Variants in NOXO1 observed in about 807,000 individuals in gnomAD.
NOXO1 encodes the protein NADPH oxidase organizer 1, also known as NADPH oxidase regulatory protein.
NOXO1 carries 38 observed loss-of-function variants against 33.3 expected under a neutral mutation model. The ratio of observed to expected loss-of-function variants is 1.14; its 90% CI spans 0.88 to 1.50. The LOEUF is 1.50. Among genes scored for constraint, NOXO1 ranks in the 40% most tolerant of loss-of-function variants. The pLI is 0.00. For missense variants in NOXO1, 675 were observed against 527.1 expected (o/e 1.28, Z -2.75); for synonymous variants, 302 against 237.3 (o/e 1.27, Z -2.51).
chr16:1,979,723 T>A (rs1391873417), intron 6 of NOXO1, 67 bp downstream of exon 6: 1 of 1,332,300 alleles, frequency 7.5e-7, no homozygotes, highest in Non-Finnish European at 1.0e-6. Context: ...CCCGCGGTGC[T>A]TCTGGCCCAG....
Position 1,979,468 on chromosome 16 carries a change from C to T in NOXO1, c.775G>A (p.Val259Met). 3 of 1,611,566 alleles carry T rather than the reference C, an allele frequency of 1.9e-6. No homozygotes were observed. Among genetic ancestry groups the T allele is most frequent in the South Asian group, 1.1e-5 (1 of 90,934 alleles). ...CGGTCTGACGTTTCCAACACGCGCA[C>T]GCGCGCCCCCGCGGGCACGGACAGC... ...DELSVPAGAR[V>M]RVLETSDRGW... Residue 259 changes from valine to methionine, a missense_variant, in exon 7 of 8, where the codon GTG (valine) becomes ATG (methionine). By Grantham distance (21) the Val-to-Met change is conservative. Coordinates refer to ENST00000356120, the MANE Select transcript of NOXO1 (RefSeq NM_172167.3).
chr16:1,979,953 C>T (rs752909872), intron 5 of NOXO1, 44 bp downstream of exon 5: 137 of 1,581,250 alleles, frequency 8.7e-5, no homozygotes, highest in Middle Eastern at 1.7e-4. Flanking sequence ...TCCCTCGGGT[C>T]CAGGAGCAGA....
intron 2 of NOXO1, 75 bp from the exon 3 acceptor site, chr16:1,980,806 G>T: frequency 6.7e-7 from 1 of 1,497,328 alleles, no homozygotes; most frequent in Non-Finnish European, 9.1e-7. Flanking sequence ...CCCTCACCCG[G>T]ATGGCAGGGG....
At chr16:1,979,617 T>G in intron 6 of NOXO1, 75 bp from the exon 7 acceptor site, 1 of 1,397,450 alleles carries the variant, frequency 7.2e-7, no homozygotes, top group Non-Finnish European at 9.9e-7. Flanking sequence ...CTCCACATTC[T>G]CCTTGCTTGA....
intron 4 of NOXO1, 34 bp downstream of exon 4, chr16:1,980,333 G>T (rs1036173574): frequency 2.5e-6 from 4 of 1,585,298 alleles, no homozygotes; most frequent in Non-Finnish European, 2.6e-6. Flanking sequence ...TCCAAACGCC[G>T]CTGCATGCTG....
chr16:1,978,986 C>CCG lies in NOXO1; in HGVS notation c.*64_*65dup. ...TCCCATCCCTGCTGGCCAGGGAGAT[C>CCG]CGCCCTCCCCGCTCCTCCCCAGCCC... On this transcript the variant is annotated 3_prime_UTR_variant, in exon 8 of 8. Coordinates refer to ENST00000356120, the MANE Select transcript of NOXO1 (RefSeq NM_172167.3). 7.0e-7 allele frequency: 1 copy of CCG among 1,430,378 alleles called. No individual in the cohort carries two copies. The highest frequency in any genetic ancestry group is 9.3e-7 in the Non-Finnish European group (1 of 1,074,198). The allele number at this position is 1,430,378 out of a possible 1,614,324, so 88.6% of individuals were successfully genotyped here.
chr16:1,980,870 C>T, intron 2 of NOXO1, 69 bp downstream of exon 2: 2 of 1,147,522 alleles, frequency 1.7e-6, no homozygotes, highest in Non-Finnish European at 2.4e-6. Context: ...TGATGGGAGG[C>T]AGTCCAGTGG....
chr16:1,981,090 A>G (rs2083499320), intron 1 of NOXO1, 24 bp downstream of exon 1: 1 of 1,610,718 alleles, frequency 6.2e-7, no homozygotes, highest in Admixed American at 1.7e-5. Flanking sequence ...CCTTGGGGCC[A>G]CTAAGGACCC....
In NOXO1 at chr16:1,979,055, C is replaced by T. The variant is rs755356229; in HGVS notation, c.1113G>A (p.Gln371=). Residue 371 remains glutamine (Q), a synonymous_variant, in exon 8 of 8, where the codon CAG becomes CAA. Transcript: ENST00000356120. The stretch of plus-strand genomic sequence containing the variant: ...CCCCTCATCGGGATCCTCGCGCTCA[C>T]TGCTCCGTCGTGGGGTGCGGCACAG... ...VDSVPHPTTE[Q] 3.9e-5 allele frequency: 61 copies of T among 1,545,372 alleles called. No homozygotes were observed. Among genetic ancestry groups the T allele is most frequent in the Admixed American group, 2.5e-4 (13 of 51,068 alleles).
At position 1,980,016 on chromosome 16, in the gene NOXO1, C is replaced by T; in HGVS notation, c.567G>A (p.Val189=). Residue 189 remains valine (V), a synonymous_variant, in exon 5 of 8, where the codon GTG becomes GTA. Coordinates refer to ENST00000356120, the MANE Select transcript of NOXO1 (RefSeq NM_172167.3). Reference sequence around the variant, plus strand: ...CCCTACCTGAGGGGTGCCGCAGCAGCACGTCCAGGCTCTCCTGGGCCTGCG... The same window carrying T: ...CCCTACCTGAGGGGTGCCGCAGCAGTACGTCCAGGCTCTCCTGGGCCTGCG... ...FQAQAQESLD[V]LLRHPSGWWL... 1 of 1,605,544 alleles carries T rather than the reference C, an allele frequency of 6.2e-7. No individual in the cohort carries two copies. The highest frequency in any genetic ancestry group is 2.2e-5 in the East Asian group (1 of 44,626).
At chr16:1,980,802 C>T in intron 2 of NOXO1, 71 bp from the exon 3 acceptor site, 2 of 1,509,166 alleles carry the variant, frequency 1.3e-6, no homozygotes, top group South Asian at 2.4e-5. Flanking sequence ...GGGTCCCTCA[C>T]CCGGATGGCA....
rs747380122 is a variant in NOXO1, at chr16:1,980,541, G to A, written c.227C>T (p.Ala76Val). 4.4e-6 allele frequency: 7 copies of A among 1,598,464 alleles called. No homozygotes were observed. In the South Asian group the frequency reaches 6.6e-5, roughly 15 times the overall value. ...GCGCCCCACGCGTCCCAACAGTGGT[G>A]CATCTTAAGGCACCACAAAAACGTA... ...SDRVLPKLLD[A>V]PLLGRVGRTS... Residue 76 changes from alanine to valine, a missense_variant, in exon 4 of 8, where the codon GCA becomes GTA. Transcript: ENST00000356120.
At position 1,981,245 on chromosome 16, in the gene NOXO1, G is replaced by A. The variant is rs745852763; in HGVS notation, c.-66C>T. The A allele has an allele frequency of 1.2e-5, 19 of 1,605,536 alleles. No individual in the cohort carries two copies. The highest frequency in any genetic ancestry group is 1.6e-5 in the Non-Finnish European group (19 of 1,176,408). ...GACCCTTCTGCCTCCCCGTGCTTGA[G>A]AGGGCTCTGGGGGACCCAGAAAACC... is the stretch of plus-strand genomic sequence containing the variant. On this transcript the variant is annotated 5_prime_UTR_variant, in exon 1 of 8. Transcript: ENST00000356120.
Position 1,979,417 on chromosome 16 carries a change from C to G in NOXO1, c.818+8G>C. 1 of 1,606,062 alleles carries G rather than the reference C, an allele frequency of 6.2e-7. No homozygotes were observed. The highest frequency in any genetic ancestry group is 1.1e-5 in the South Asian group (1 of 90,812). On this transcript the variant is annotated splice_region_variant and intron_variant, in intron 7 of 7. Coordinates refer to ENST00000356120, the MANE Select transcript of NOXO1 (RefSeq NM_172167.3). ...TAGCCTGCCCTGCCCACGCCCGCTC[C>G]CGCGTACCTGCATAGCCACCAGCCG...
rs745654844 is a variant in NOXO1 at position 1,979,989 on chromosome 16, G to T, written c.586+8C>A. 1.6e-5 allele frequency: 26 copies of T among 1,598,494 alleles called. No homozygotes were observed. Among genetic ancestry groups the T allele is most frequent in the South Asian group, 3.4e-5 (3 of 88,920 alleles). On this transcript the variant is annotated splice_region_variant and intron_variant, in intron 5 of 7. Coordinates refer to ENST00000356120, the MANE Select transcript of NOXO1 (RefSeq NM_172167.3). ...GGAGCAAATCCCTGGGTTCTTGGGG[G>T]GCCCTACCTGAGGGGTGCCGCAGCA...
At position 1,978,937 on chromosome 16, in the gene NOXO1, TCAGAGGAACAGCAAATGG is replaced by T. The variant is rs2083432790; in HGVS notation, c.*97_*114del. 45 of 1,177,240 alleles carry T rather than the reference TCAGAGGAACAGCAAATGG, an allele frequency of 3.8e-5. No homozygotes were observed. In the South Asian group the frequency reaches 6.1e-4, roughly 16 times the overall value. 72.9% of individuals were successfully genotyped at this position (1,177,240 alleles called of 1,614,324 possible). A position where few individuals can be genotyped will look rare whatever the true frequency, so the allele number is the denominator to read the frequency against. On this transcript the variant is annotated 3_prime_UTR_variant, in exon 8 of 8. Coordinates refer to ENST00000356120, the MANE Select transcript of NOXO1 (RefSeq NM_172167.3). ...GGGGGTCATGCAGAACAAGCTTTAC[TCAGAGGAACAGCAAATGG>T]CCCCCTCCCATCCCTGCTGGCCAGG...
Position 1,981,025 on chromosome 16 carries a change from G to T in NOXO1, c.67-6C>A. The T allele has an allele frequency of 6.2e-7, 1 of 1,613,294 alleles. No homozygotes were observed. The highest frequency in any genetic ancestry group is 8.5e-7 in the Non-Finnish European group (1 of 1,179,922). ...CGCACAGAGAAGGCAAACGTCTGGG[G>T]GACAAAAAGTTGGGAGTGCCGTGGA... is the stretch of plus-strand genomic sequence containing the variant. On this transcript the variant is annotated splice_polypyrimidine_tract_variant and splice_region_variant and intron_variant, in intron 1 of 7. Transcript: ENST00000356120.
rs745993750 is a variant in NOXO1 at position 1,981,199 on chromosome 16, CA to C, written c.-21del. 21 of 1,613,274 alleles carry C rather than the reference CA, an allele frequency of 1.3e-5. No homozygotes were observed. Among genetic ancestry groups the C allele is most frequent in the Non-Finnish European group, 1.4e-5 (16 of 1,179,982 alleles). On this transcript the variant is annotated 5_prime_UTR_variant, in exon 1 of 8. Transcript: ENST00000356120. Reference sequence around the variant, plus strand: ...TGCCATGGCTGTGGCTTCCAGGCTGCAGATTCCTGAAATGGGCGAGGACCCT... The same window carrying C: ...TGCCATGGCTGTGGCTTCCAGGCTGCGATTCCTGAAATGGGCGAGGACCCT...
chr16:1,981,268 AC>A lies in NOXO1; in HGVS notation c.-90del. 2 of 1,570,388 alleles carry A rather than the reference AC, an allele frequency of 1.3e-6. No homozygotes were observed. Among genetic ancestry groups the A allele is most frequent in the Non-Finnish European group, 8.6e-7 (1 of 1,159,854 alleles). On this transcript the variant is annotated 5_prime_UTR_variant, in exon 1 of 8. Coordinates refer to ENST00000356120, the MANE Select transcript of NOXO1 (RefSeq NM_172167.3). Reference sequence around the variant, plus strand: ...GAGAGGGCTCTGGGGGACCCAGAAAACCCCCTGGGATAGAATCCTGGCAACA... The same window carrying A: ...GAGAGGGCTCTGGGGGACCCAGAAAACCCCTGGGATAGAATCCTGGCAACA...
Sources: gnomAD v4.1 joint callset for allele counts on GRCh38, gnomAD v4.1.1 for gene constraint, MANE v1.5 for transcripts, NCBI Gene and HGNC (gene_info 2026-07-23, HGNC 2026-07-21) for gene names.